FRMD6: variants seen among roughly 807,000 people sequenced by gnomAD.
The protein encoded by FRMD6 is FERM domain containing 6, also known as FERM domain-containing protein 6.
A neutral mutation model predicts 73.2 loss-of-function variants in FRMD6; 37 were observed. The ratio of observed to expected loss-of-function variants is 0.51; its 90% confidence interval spans 0.39 to 0.66. The LOEUF (loss-of-function observed/expected upper bound fraction) is 0.66, where lower values mean the gene tolerates loss of function less well. Among genes scored for constraint, FRMD6 ranks in the 30% least tolerant of loss-of-function variants. The pLI is 0.00. For missense variants in FRMD6, 714 were observed against 780.5 expected (o/e 0.91, Z 1.02); for synonymous variants, 273 against 282.2 (o/e 0.97, Z 0.33).
the FRMD6 span, among the ~76,000 whole-genome samples, chr14:51,456,453 C>T: frequency 1.3e-5 from 2 of 152,200 alleles, no homozygotes; most frequent in African/African-American, 4.8e-5. Context: ...TTTCTAGCTT[C>T]ATCCATGTCC....
At chr14:51,439,099 A>T in the FRMD6 span, among the ~76,000 whole-genome samples, 2 of 152,252 alleles carry the variant, frequency 1.3e-5, no homozygotes, top group African/African-American at 4.8e-5. Context: ...ATTAAATGCC[A>T]CTTTTTCAGA....
At chr14:51,428,263 C>T in the FRMD6 span, among the ~76,000 whole-genome samples, 1 of 152,126 alleles carries the variant, frequency 6.6e-6, no homozygotes, top group South Asian at 2.1e-4. Context: ...CTATCAGTGC[C>T]CAGGCTGCCC....
chr14:51,600,281 C>G (rs1041919564), intron 2 of FRMD6, among the ~76,000 whole-genome samples: 5 of 152,010 alleles, frequency 3.3e-5, no homozygotes, highest in African/African-American at 7.2e-5. Context: ...TAATTTTTTT[C>G]CCTTCATTGA....
At chr14:51,719,763 A>C (rs1300166268) in intron 10 of FRMD6, among the ~76,000 whole-genome samples, 1 of 152,208 alleles carries the variant, frequency 6.6e-6, no homozygotes, top group East Asian at 1.9e-4. Context: ...ACTATGGACC[A>C]ATAAATTTGC....
chr14:51,690,427 C>T (rs1895471511), intron 2 of FRMD6, among the ~76,000 whole-genome samples: 1 of 151,980 alleles, frequency 6.6e-6, no homozygotes, highest in East Asian at 1.9e-4. Context: ...ACTCTGTCAC[C>T]CAGGCTGGAG....
chr14:51,446,435 C>G, the FRMD6 span, among the ~76,000 whole-genome samples: 43,213 of 150,620 alleles, frequency 0.29, 6,732 homozygotes, highest in Non-Finnish European at 0.35. Flanking sequence ...TAGTCCTTCT[C>G]TCTTGTGTAG....
chr14:51,551,364 A>C (rs61128616), intron 1 of FRMD6, among the ~76,000 whole-genome samples: 19,228 of 152,152 alleles, frequency 0.13, 1,412 homozygotes, highest in Non-Finnish European at 0.16. Flanking sequence ...TAGATAGTAA[A>C]AAGGAAGAAA....
rs188390906 is a variant in FRMD6 at position 51,593,271 on chromosome 14, G to A, written c.-147+22861G>A. ...CCAGATTTCCCTTCTGACAAAGAGA[G>A]GGTATTTGTAATGTAGCCTCTAATG... On this transcript the variant is annotated intron_variant, in intron 2 of 14. Coordinates refer to the FRMD6 transcript ENST00000356218. Among the ~76,000 whole-genome samples the A allele has an allele frequency of 1.5e-3, 232 of 152,298 alleles. 2 individuals carry two copies. In the Middle Eastern group the frequency reaches 0.031, roughly 20 times the overall value.
intron 1 of FRMD6, among the ~76,000 whole-genome samples, chr14:51,510,426 A>AT (rs1024780919): frequency 2.0e-4 from 30 of 149,634 alleles, no homozygotes; most frequent in Middle Eastern, 3.4e-3. Context: ...TATTTCCGTG[A>AT]TTTTTTTTTT....
chr14:51,417,755 T>C, the FRMD6 span, among the ~76,000 whole-genome samples: 1 of 152,330 alleles, frequency 6.6e-6, no homozygotes, highest in Non-Finnish European at 1.5e-5. Context: ...TTTTCCAACT[T>C]GGTTCCATTC....
At chr14:51,574,328 A>G (rs1374631201) in intron 2 of FRMD6, among the ~76,000 whole-genome samples, 3 of 152,228 alleles carry the variant, frequency 2.0e-5, no homozygotes, top group Admixed American at 2.0e-4. Context: ...ACATGCAAAA[A>G]TAGACTCTAT....
chr14:51,623,460 G>T (rs73290927), intron 2 of FRMD6, among the ~76,000 whole-genome samples: 30,396 of 152,058 alleles, frequency 0.2, 3,314 homozygotes, highest in African/African-American at 0.3. Context: ...CTGTAATTCT[G>T]CAAATTACTC....
the FRMD6 span, among the ~76,000 whole-genome samples, chr14:51,399,922 G>T: frequency 4.0e-5 from 6 of 151,816 alleles, no homozygotes; most frequent in African/African-American, 1.2e-4. Flanking sequence ...GCTTCAATGT[G>T]CAGAGAATGT....
chr14:51,485,227 T>C (rs893005474), upstream of FRMD6, among the ~76,000 whole-genome samples: 26 of 152,348 alleles, frequency 1.7e-4, no homozygotes, highest in African/African-American at 5.8e-4. Flanking sequence ...GCCTTTGCTC[T>C]GCTTCACAGC....
chr14:51,666,129 A>G (rs1187347460), intron 1 of FRMD6, among the ~76,000 whole-genome samples: 1 of 152,220 alleles, frequency 6.6e-6, no homozygotes, highest in Non-Finnish European at 1.5e-5. Flanking sequence ...ACTTCCTCAA[A>G]TAGTGCTTTC....
chr14:51,459,150 G>A, the FRMD6 span, among the ~76,000 whole-genome samples: 187 of 152,272 alleles, frequency 1.2e-3, no homozygotes, highest in Middle Eastern at 3.4e-3. Context: ...AAATCCACTG[G>A]TTTTACTTCT....
chr14:51,397,546 C>T, the FRMD6 span, among the ~76,000 whole-genome samples: 1 of 152,196 alleles, frequency 6.6e-6, no homozygotes, highest in Non-Finnish European at 1.5e-5. Context: ...CTTTTACCTA[C>T]TAATCTTTTT....
At chr14:51,407,163 A>T in the FRMD6 span, among the ~76,000 whole-genome samples, 2 of 152,024 alleles carry the variant, frequency 1.3e-5, no homozygotes, top group Non-Finnish European at 2.9e-5. Context: ...TATTTTTTTT[A>T]AATGTTAAAG....
chr14:51,482,113 G>A, the FRMD6 span, among the ~76,000 whole-genome samples: 1 of 152,180 alleles, frequency 6.6e-6, no homozygotes, highest in Non-Finnish European at 1.5e-5. Flanking sequence ...GTCTAGCAAA[G>A]GGTAACAGTC....
Sources: allele counts gnomAD v4.1 joint callset (sites outside exome capture counted in the v4.1 genomes callset), GRCh38; gene constraint gnomAD v4.1.1; transcripts MANE v1.5; gene names NCBI Gene and HGNC (gene_info 2026-07-23, HGNC 2026-07-21).